The following APEH variants were observed in gnomAD, a reference collection of about 807,000 sequenced individuals.
APEH encodes the protein acylamino-acid-releasing enzyme.
APEH carries 75 observed loss-of-function variants against 102.7 expected under a neutral mutation model. The observed-to-expected ratio is 0.73, with a 90% CI of 0.61 to 0.89. The LOEUF (loss-of-function observed/expected upper bound fraction) is 0.89. APEH is among the 40% of genes least tolerant of loss of function. The pLI, the probability that APEH is intolerant of heterozygous loss-of-function variation, is 0.00. For synonymous variants in APEH, 344 were observed against 362.7 expected (o/e 0.95, Z 0.59); for missense variants, 863 against 941.2 (o/e 0.92, Z 1.09).
chr3:49,675,451 A>C, intron 3 of APEH, 142 bp downstream of exon 3: 1 of 1,259,826 alleles, frequency 7.9e-7, no homozygotes, highest in Non-Finnish European at 1.1e-6. Context: ...TTCTGGTGAC[A>C]TGGCCTGATA....
Position 49,683,077 on chromosome 3 carries a change from AC to A in APEH, c.2026del (p.Arg676GlyfsTer45). ...TPLLLMLGQE[D>X]RRVPFKQGME... ...CTGTTACTGATGTTGGGCCAGGAGG[AC>A]CGGCGTGTGCCCTTCAAGCAGGGCA... On this transcript the variant is annotated frameshift_variant, in exon 21 of 22. Coordinates refer to ENST00000296456, the MANE Select transcript of APEH (RefSeq NM_001640.4). LOFTEE classifies it high-confidence loss of function. The A allele has an allele frequency of 6.2e-7, 1 of 1,614,086 alleles. No individual in the cohort carries two copies.
In APEH at chr3:49,675,655, T is replaced by C. The variant is rs548976969; in HGVS notation, c.273-39T>C. 4.0e-5 allele frequency: 63 copies of C among 1,564,196 alleles called. No homozygotes were observed. In the East Asian group the frequency reaches 1.3e-3, roughly 33 times the overall value. On this transcript the variant is annotated intron_variant, in intron 3 of 21. Transcript: ENST00000296456. ...CCAGTAGGGAGCAGGAAGGGGTTATTGCAAGATAATCCTGACCTGTGCTAC... is the reference window on the plus strand; with the variant it reads ...CCAGTAGGGAGCAGGAAGGGGTTATCGCAAGATAATCCTGACCTGTGCTAC...
chr3:49,674,002 C>T, upstream of APEH: 2 of 301,754 alleles, frequency 6.6e-6, no homozygotes, highest in South Asian at 4.7e-5. Flanking sequence ...GCAGCACCCC[C>T]TCAACCCCTT....
intron 2 of APEH, 70 bp downstream of exon 2, chr3:49,674,691 G>A: frequency 6.4e-7 from 1 of 1,558,086 alleles, no homozygotes; most frequent in Non-Finnish European, 8.6e-7. Context: ...GGGGTGTGGA[G>A]GGCTCGCTGC....
At chr3:49,673,761 G>A (rs1324603476), upstream of APEH, among the ~76,000 whole-genome samples, 1 of 151,922 alleles carries the variant, frequency 6.6e-6, no homozygotes, top group Non-Finnish European at 1.5e-5. Flanking sequence ...AGCCGCGGGA[G>A]ATCCACGCTG....
In APEH at chr3:49,676,883, C is replaced by T. The variant is rs769757486; in HGVS notation, c.878-20C>T. The T allele has an allele frequency of 1.9e-6, 3 of 1,614,232 alleles. No homozygotes were observed. The highest frequency in any genetic ancestry group is 2.2e-5 in the East Asian group (1 of 44,888). On this transcript the variant is annotated intron_variant, in intron 9 of 21. Transcript: ENST00000296456. ...TGGCCCTGCCAGCCTGCGTGATGCT[C>T]ATGTTTCCATCTGGCCCAGAGCTCC...
In APEH at chr3:49,676,380, G is replaced by C; in HGVS notation, c.609G>C (p.Gly203=). 1 of 1,614,180 alleles carries C rather than the reference G, an allele frequency of 6.2e-7. No homozygotes were observed. The highest frequency in any genetic ancestry group is 8.5e-7 in the Non-Finnish European group (1 of 1,180,040). The change falls in exon 7 of 22, where the codon GGG becomes GGC. Residue 203 remains glycine (G), a splice_region_variant and synonymous_variant. Coordinates refer to ENST00000296456, the MANE Select transcript of APEH (RefSeq NM_001640.4). ...RLKKPDQAIK[G]DQFVFYEDWG... The stretch of plus-strand genomic sequence containing the variant: ...CATTGAGTATCTTGTGTTCTCAGGG[G>C]GATCAGTTTGTGTTTTATGAAGACT...
chr3:49,676,669 C>T lies in APEH; in HGVS notation c.805C>T (p.Arg269Trp), dbSNP rs1467632764. 7 of 1,614,244 alleles carry T rather than the reference C, an allele frequency of 4.3e-6. No individual in the cohort carries two copies. The highest frequency in any genetic ancestry group is 5.1e-6 in the Non-Finnish European group (6 of 1,180,044). ...TGTGGGCTGGTGGCATGAGCCCTTC[C>T]GGTTGGGCATCCGCTTTTGCACCAA... ...VFVGWWHEPF[R>W]LGIRFCTNRR... is the part of the protein sequence containing the mutation. Residue 269 changes from arginine (R) to tryptophan (W), a missense_variant, in exon 8 of 22, where the codon CGG (arginine) becomes TGG (tryptophan). Arg to Trp is a moderately radical substitution (Grantham distance 101). Coordinates refer to ENST00000296456, the MANE Select transcript of APEH (RefSeq NM_001640.4).
rs1218484342 is a variant in APEH, at chr3:49,679,109, G to GGACT, written c.1158+162_1158+165dup. Among the ~76,000 whole-genome samples the GGACT allele has an allele frequency of 6.6e-6, 1 of 152,102 alleles. No individual in the cohort carries two copies. Among genetic ancestry groups the GGACT allele is most frequent in the Admixed American group, 6.5e-5 (1 of 15,272 alleles). ...ATCCTGGACTCATTTCTCCTGGAGGGGACTGGCTGCCCTGGTGCACCACAG... is the reference window on the plus strand; with the variant it reads ...ATCCTGGACTCATTTCTCCTGGAGGGGACTGACTGGCTGCCCTGGTGCACCACAG... On this transcript the variant is annotated intron_variant, in intron 12 of 21. Transcript: ENST00000296456. The surrounding 1 kb of genome is among the most constrained non-coding windows in gnomAD (Gnocchi z 4.3).
intron 11 of APEH, among the ~76,000 whole-genome samples, chr3:49,678,390 TG>T (rs1273572626): frequency 6.6e-6 from 1 of 152,170 alleles, no homozygotes; most frequent in Non-Finnish European, 1.5e-5. Context: ...GGGGTGATTG[TG>T]TCTGCCTGCC....
rs1286126689 is a variant in APEH, at chr3:49,676,682, G to C, written c.818G>C (p.Arg273Pro). Residue 273 changes from arginine to proline, a missense_variant, in exon 8 of 22, where the codon CGC becomes CCC. Arg to Pro is a moderately radical substitution (Grantham distance 103). Transcript: ENST00000296456. Reference sequence around the variant, plus strand: ...CATGAGCCCTTCCGGTTGGGCATCCGCTTTTGCACCAATCGCAGGTGAGGG... The same window carrying C: ...CATGAGCCCTTCCGGTTGGGCATCCCCTTTTGCACCAATCGCAGGTGAGGG... ...WWHEPFRLGI[R>P]FCTNRRSALY... is the part of the protein sequence containing the mutation. 1 of 1,614,256 alleles carries C rather than the reference G, an allele frequency of 6.2e-7. No individual in the cohort carries two copies. Among genetic ancestry groups the C allele is most frequent in the Non-Finnish European group, 8.5e-7 (1 of 1,180,050 alleles).
chr3:49,673,585 C>T (rs2052870985), upstream of APEH, among the ~76,000 whole-genome samples: 1 of 152,176 alleles, frequency 6.6e-6, no homozygotes, highest in Admixed American at 6.5e-5. Flanking sequence ...AGAGTTGGCA[C>T]CCGCCCCTCT....
intron 13 of APEH, chr3:49,680,016 C>T (rs535144071): frequency 4.8e-4 from 116 of 243,192 alleles, no homozygotes; most frequent in African/African-American, 2.5e-3. Flanking sequence ...AGAGGCAGCT[C>T]TGCCACCTGA....
At chr3:49,675,364 C>T in intron 3 of APEH, 55 bp downstream of exon 3, 1 of 1,601,114 alleles carries the variant, frequency 6.2e-7, no homozygotes. Flanking sequence ...GCAATGCAAG[C>T]CTTTTATGAA....
intron 5 of APEH, 26 bp from the exon 6 acceptor site, chr3:49,676,030 C>A (rs1477080215): frequency 6.2e-7 from 1 of 1,614,050 alleles, no homozygotes; most frequent in African/African-American, 1.3e-5. Flanking sequence ...CCTGGGCCCC[C>A]CCTGATTGGC....
chr3:49,675,010 T>A (rs770255317), intron 2 of APEH, among the ~76,000 whole-genome samples, 173 bp from the exon 3 acceptor site: 6 of 152,168 alleles, frequency 3.9e-5, no homozygotes, highest in Non-Finnish European at 8.8e-5. Flanking sequence ...TCTGGAGGCC[T>A]GGACTAGGGT....
chr3:49,683,529 C>T lies in APEH; in HGVS notation c.*187C>T. The T allele has an allele frequency of 1.7e-6, 1 of 593,102 alleles. No individual in the cohort carries two copies. Among genetic ancestry groups the T allele is most frequent in the Non-Finnish European group, 3.0e-6 (1 of 335,886 alleles). The allele number at this position is 593,102 out of a possible 1,614,324, so 36.7% of individuals were successfully genotyped here. ...GCCTGGTTCCTGCTGGTACTTTGTA[C>T]CAAACCATCCCCAACCCCACCTCCC... On this transcript the variant is annotated 3_prime_UTR_variant, in exon 22 of 22. Transcript: ENST00000296456.
rs1230114212 is a variant in APEH, at chr3:49,676,617, G to C, written c.753G>C (p.Trp251Cys). The change falls in exon 8 of 22, where the codon TGG (tryptophan) becomes TGC (cysteine). Residue 251 changes from tryptophan to cysteine, a missense_variant. Transcript: ENST00000296456. ...PENVSPGQAF[W>C]APGDAGVVFV... ...TTTGATCCTGTTTACAGGCATTTTG[G>C]GCCCCTGGAGATGCTGGTGTGGTGT... The C allele has an allele frequency of 6.2e-7, 1 of 1,614,228 alleles. No homozygotes were observed. Among genetic ancestry groups the C allele is most frequent in the African/African-American group, 1.3e-5 (1 of 75,056 alleles).
rs1273489482 is a variant in APEH at position 49,683,238 on chromosome 3, C to T, written c.2095C>T (p.Leu699Phe). The change falls in exon 22 of 22, where the codon CTC becomes TTC. Residue 699 changes from leucine to phenylalanine, a missense_variant and splice_region_variant. Physicochemically the swap from Leu to Phe is conservative, Grantham distance 22. Coordinates refer to ENST00000296456, the MANE Select transcript of APEH (RefSeq NM_001640.4). ...AATGTTGCTGACTAATCCCTACAGG[C>T]TCCTGCTCTATCCCAAAAGCACCCA... ...ALKTRNVPVRLLLYPKSTHAL... is the reference protein window; with the variant it reads ...ALKTRNVPVRFLLYPKSTHAL... The T allele has an allele frequency of 6.2e-7, 1 of 1,613,292 alleles. No homozygotes were observed. Among genetic ancestry groups the T allele is most frequent in the Non-Finnish European group, 8.5e-7 (1 of 1,179,354 alleles).
Sources: gnomAD v4.1 joint callset for allele counts (sites outside exome capture counted in the v4.1 genomes callset) on GRCh38, gnomAD v4.1.1 for gene constraint, Gnocchi (gnomAD v3.1) non-coding constraint, MANE v1.5 for transcripts, NCBI Gene and HGNC (gene_info 2026-07-23, HGNC 2026-07-21) for gene names.